The following STXBP5 variants were observed in gnomAD, a reference collection of about 807,000 sequenced individuals.
STXBP5 encodes the protein syntaxin binding protein 5.
STXBP5 carries 50 observed loss-of-function variants against 152.4 expected under a neutral mutation model. The ratio of observed to expected loss-of-function variants is 0.33; its 90% CI spans 0.26 to 0.42. The LOEUF is 0.42. Among genes scored for constraint, STXBP5 ranks in the 10% least tolerant of loss-of-function variants. STXBP5 has a pLI of 1.00. For synonymous variants in STXBP5, 492 were observed against 494.7 expected, an observed-to-expected ratio of 0.99 and a Z score of 0.07; for missense variants, 1,167 against 1,388.6, an observed-to-expected ratio of 0.84 and a Z score of 2.54.
At chr6:147,297,369 T>TGAA (rs1781578832) in intron 9 of STXBP5, among the ~76,000 whole-genome samples, 1 of 151,966 alleles carries the variant, frequency 6.6e-6, no homozygotes, top group African/African-American at 2.4e-5. Context: ...CCTTCAGAAA[T>TGAA]GAACGTGAAA....
Position 147,348,052 on chromosome 6 carries a change from A to G in STXBP5, c.2255-5271A>G, listed in dbSNP as rs145738211. Reference sequence around the variant, plus strand: ...AAAACAGTTTAAAATTTTAGTTTAAATGTTAGTAATGACATTATATCTGGT... The same window carrying G: ...AAAACAGTTTAAAATTTTAGTTTAAGTGTTAGTAATGACATTATATCTGGT... On this transcript the variant is annotated intron_variant, in intron 21 of 27. Coordinates refer to ENST00000321680, the MANE Select transcript of STXBP5 (RefSeq NM_001127715.4). Among the ~76,000 whole-genome samples, 421 of 152,334 alleles carry G rather than the reference A, an allele frequency of 2.8e-3. 2 individuals carry two copies. The highest frequency in any genetic ancestry group is 9.5e-3 in the African/African-American group (396 of 41,582).
intron 21 of STXBP5, among the ~76,000 whole-genome samples, chr6:147,350,688 T>C (rs1202853465): frequency 6.6e-6 from 1 of 152,152 alleles, no homozygotes; most frequent in South Asian, 2.1e-4. Context: ...GAAGGAACAT[T>C]AGGTTATTCG....
chr6:147,349,574 G>A (rs1438377854), intron 21 of STXBP5, among the ~76,000 whole-genome samples: 1 of 152,156 alleles, frequency 6.6e-6, no homozygotes, highest in Admixed American at 6.5e-5. Context: ...GTCTCTCGCT[G>A]GTTTTGTCTC....
chr6:147,289,061 A>G (rs952410613), intron 8 of STXBP5, among the ~76,000 whole-genome samples: 2 of 152,178 alleles, frequency 1.3e-5, no homozygotes, highest in African/African-American at 2.4e-5. Context: ...CTTACTGCCC[A>G]TGCCTGGGAA....
intron 4 of STXBP5, among the ~76,000 whole-genome samples, chr6:147,241,885 T>C (rs891975371): frequency 6.6e-6 from 1 of 152,192 alleles, no homozygotes; most frequent in South Asian, 2.1e-4. Context: ...CAGTACATAA[T>C]ATTTGATAAT....
At chr6:147,230,699 A>G (rs1388915980) in intron 2 of STXBP5, among the ~76,000 whole-genome samples, 2 of 151,444 alleles carry the variant, frequency 1.3e-5, no homozygotes, top group Non-Finnish European at 3.0e-5. Context: ...GCTTGCATGT[A>G]TGCTATAAGG....
chr6:147,218,172 T>C (rs1777271388), intron 2 of STXBP5, among the ~76,000 whole-genome samples: 1 of 152,208 alleles, frequency 6.6e-6, no homozygotes, highest in Admixed American at 6.5e-5. Flanking sequence ...AGTGGTACAT[T>C]GAATCTACAT....
intron 2 of STXBP5, among the ~76,000 whole-genome samples, chr6:147,213,378 C>G (rs1776960909): frequency 6.7e-6 from 1 of 149,448 alleles, no homozygotes; most frequent in African/African-American, 2.5e-5. Context: ...CTCAGCTTGC[C>G]AAGTAGTTGG....
At position 147,277,921 on chromosome 6, in the gene STXBP5, T is replaced by G. The variant is rs577288928; in HGVS notation, c.715-160T>G. On this transcript the variant is annotated intron_variant, in intron 7 of 27. Coordinates refer to ENST00000321680, the MANE Select transcript of STXBP5 (RefSeq NM_001127715.4). Reference sequence around the variant, plus strand: ...TAATATGAAGAAATAAAATCTCATTTGTATTACAAGAGGGCCAAATTATTA... The same window carrying G: ...TAATATGAAGAAATAAAATCTCATTGGTATTACAAGAGGGCCAAATTATTA... 7.2e-5 allele frequency among the ~76,000 whole-genome samples: 11 copies of G among 152,320 alleles called. No homozygotes were observed. The East Asian group carries it at 2.1e-3, about 29-fold the overall frequency.
At chr6:147,298,384 T>TA (rs1341914965) in intron 9 of STXBP5, among the ~76,000 whole-genome samples, 1 of 152,028 alleles carries the variant, frequency 6.6e-6, no homozygotes, top group Non-Finnish European at 1.5e-5. Flanking sequence ...AGGTAAGTAG[T>TA]AGAGGAATTC....
intron 2 of STXBP5, among the ~76,000 whole-genome samples, chr6:147,222,922 CA>C (rs1284467466): frequency 2.6e-5 from 4 of 152,206 alleles, no homozygotes; most frequent in Non-Finnish European, 4.4e-5. Context: ...CTTACCCGGA[CA>C]CAGGTTTTCA....
chr6:147,276,083 C>T (rs763784147), intron 7 of STXBP5, among the ~76,000 whole-genome samples: 6 of 151,918 alleles, frequency 3.9e-5, no homozygotes, highest in South Asian at 2.1e-4. Flanking sequence ...ACTTTGTTTA[C>T]GTAAATTTCT....
At chr6:147,341,916 G>A (rs1006329146) in intron 21 of STXBP5, among the ~76,000 whole-genome samples, 1 of 152,094 alleles carries the variant, frequency 6.6e-6, no homozygotes, top group Admixed American at 6.5e-5. Flanking sequence ...ATCCCAGCGG[G>A]TTAGTTACTA....
chr6:147,367,987 T>C (rs1293829494), intron 25 of STXBP5, among the ~76,000 whole-genome samples: 1 of 151,938 alleles, frequency 6.6e-6, no homozygotes, highest in African/African-American at 2.4e-5. Context: ...ACCGAAATAG[T>C]CCTGTGTCTA....
At chr6:147,322,993 T>C (rs774135658) in intron 16 of STXBP5, among the ~76,000 whole-genome samples, 5 of 152,188 alleles carry the variant, frequency 3.3e-5, no homozygotes, top group Non-Finnish European at 7.3e-5. Context: ...GTTTCACTTG[T>C]AGTTCTCTAC....
At chr6:147,341,838 C>A (rs937701633) in intron 21 of STXBP5, among the ~76,000 whole-genome samples, 4 of 152,020 alleles carry the variant, frequency 2.6e-5, no homozygotes, top group African/African-American at 9.7e-5. Context: ...ATGTATTTAG[C>A]CTTTATCTTA....
intron 14 of STXBP5, 92 bp from the exon 15 acceptor site, chr6:147,315,423 C>A: frequency 1.3e-6 from 1 of 791,222 alleles, no homozygotes; most frequent in Non-Finnish European, 2.0e-6. Context: ...TAAATATGGA[C>A]CATTTTCTAT....
At chr6:147,271,365 T>G (rs550639472) in intron 7 of STXBP5, among the ~76,000 whole-genome samples, 2 of 152,248 alleles carry the variant, frequency 1.3e-5, no homozygotes, top group East Asian at 3.9e-4. Flanking sequence ...GTAGACATTC[T>G]TTTCAGCTAT....
In STXBP5 at chr6:147,385,280, G is replaced by A. The variant is rs1786285848; in HGVS notation, c.*525G>A. 1 of 152,314 alleles carries A rather than the reference G, an allele frequency of 6.6e-6. No individual in the cohort carries two copies. The highest frequency in any genetic ancestry group is 1.5e-5 in the Non-Finnish European group (1 of 68,302). 9.4% of individuals were successfully genotyped at this position (152,314 alleles called of 1,614,324 possible). On this transcript the variant is annotated 3_prime_UTR_variant, in exon 28 of 28. Transcript: ENST00000321680. ...ATCATTAGTGAAAAAGAAACAAATT[G>A]TTTGTTATCATCTCTTTAGACAGAT...
Sources: gnomAD v4.1 joint callset for allele counts (sites outside exome capture counted in the v4.1 genomes callset) on GRCh38, gnomAD v4.1.1 for gene constraint, MANE v1.5 for transcripts, NCBI Gene and HGNC (gene_info 2026-07-23, HGNC 2026-07-21) for gene names.